RBFOX1: variants seen among roughly 807,000 people sequenced by gnomAD.
RBFOX1 encodes RNA binding fox-1 homolog 1.
A neutral mutation model predicts 57.7 loss-of-function variants in RBFOX1; 8 were observed. The ratio of observed to expected loss-of-function variants is 0.14; its 90% CI spans 0.08 to 0.25. The LOEUF (loss-of-function observed/expected upper bound fraction) is 0.25, where lower values mean the gene tolerates loss of function less well. Ranked by LOEUF, RBFOX1 falls within the 10% of genes least tolerant of loss-of-function variation. The pLI, the probability that RBFOX1 is intolerant of heterozygous loss-of-function variation, is 1.00. For missense variants in RBFOX1, 611 were observed against 548.5 expected, an observed-to-expected ratio of 1.11 and a Z score of -1.14; for synonymous variants, 326 against 222.4, an observed-to-expected ratio of 1.47 and a Z score of -4.15.
At chr16:7,664,311 G>C (rs1175267999) in intron 12 of RBFOX1, among the ~76,000 whole-genome samples, 2 of 152,114 alleles carry the variant, frequency 1.3e-5, no homozygotes, top group African/African-American at 4.8e-5. Flanking sequence ...TCTTGCACAT[G>C]TACCCATGCT....
chr16:6,630,993 C>T (rs2098378450), intron 2 of RBFOX1, among the ~76,000 whole-genome samples: 1 of 152,088 alleles, frequency 6.6e-6, no homozygotes, highest in Non-Finnish European at 1.5e-5. Context: ...GGAGGCTATA[C>T]TTGGACCTAA....
chr16:6,637,352 A>ATGT (rs2098450712), intron 2 of RBFOX1, among the ~76,000 whole-genome samples: 1 of 85,014 alleles, frequency 1.2e-5, no homozygotes. Context: ...TATATATTAT[A>ATGT]TATTAAATAT....
intron 6 of RBFOX1, among the ~76,000 whole-genome samples, chr16:7,585,198 G>A (rs1420861274): frequency 6.6e-6 from 1 of 152,130 alleles, no homozygotes; most frequent in Non-Finnish European, 1.5e-5. Flanking sequence ...TACTGCTTGA[G>A]GAGTTCACAA....
At chr16:6,917,827 C>T (rs1054896112) in intron 3 of RBFOX1, among the ~76,000 whole-genome samples, 4 of 152,128 alleles carry the variant, frequency 2.6e-5, no homozygotes, top group East Asian at 1.9e-4. Context: ...GAACAGGGCC[C>T]TGGGGGAGAC....
intron 2 of RBFOX1, among the ~76,000 whole-genome samples, chr16:6,485,669 C>A (rs555713581): frequency 6.6e-6 from 1 of 152,178 alleles, no homozygotes; most frequent in African/African-American, 2.4e-5. Context: ...AACCAAGCAA[C>A]TAGACTCTTT....
chr16:6,769,717 C>T (rs1001488079), intron 3 of RBFOX1, among the ~76,000 whole-genome samples: 5 of 152,156 alleles, frequency 3.3e-5, no homozygotes, highest in Admixed American at 6.5e-5. Flanking sequence ...GCTTCTGTGG[C>T]TTGATCTTGG....
chr16:6,446,720 T>A (rs553643921), intron 2 of RBFOX1, among the ~76,000 whole-genome samples: 1 of 152,314 alleles, frequency 6.6e-6, no homozygotes, highest in South Asian at 2.1e-4. Flanking sequence ...ATAGAGTTAG[T>A]TATATTTACT....
Position 6,203,191 on chromosome 16 carries a change from G to C in RBFOX1, c.-126-113804G>C, listed in dbSNP as rs568487111. On this transcript the variant is annotated intron_variant, in intron 1 of 15. Coordinates refer to ENST00000550418, the MANE Select transcript of RBFOX1 (RefSeq NM_018723.4). Reference sequence around the variant, plus strand: ...ACCATAGGCCTTACATTATACAGGAGTTCTCCAGAGCTTATTGCATTACTG... The same window carrying C: ...ACCATAGGCCTTACATTATACAGGACTTCTCCAGAGCTTATTGCATTACTG... Among the ~76,000 whole-genome samples, 5 of 152,170 alleles carry C rather than the reference G, an allele frequency of 3.3e-5. No homozygotes were observed. The East Asian group carries it at 9.7e-4, about 29-fold the overall frequency.
At chr16:6,772,126 T>G (rs1271410506) in intron 3 of RBFOX1, among the ~76,000 whole-genome samples, 1 of 152,046 alleles carries the variant, frequency 6.6e-6, no homozygotes, top group Non-Finnish European at 1.5e-5. Flanking sequence ...TGCTGTTAAC[T>G]TCCCCCAAGT....
chr16:6,817,532 TAAAAAAAAAAA>T lies in RBFOX1; in HGVS notation c.-16+162895_-16+162905del, dbSNP rs71145302. Among the ~76,000 whole-genome samples, 832 of 127,584 alleles carry T rather than the reference TAAAAAAAAAAA, an allele frequency of 6.5e-3. 14 individuals are homozygous for T. Among genetic ancestry groups the T allele is most frequent in the African/African-American group, 0.024 (801 of 33,304 alleles). The allele number at this position is 127,584 out of a possible 152,430, so 83.7% of individuals were successfully genotyped here. A position where few individuals can be genotyped will look rare whatever the true frequency, so the allele number is the denominator to read the frequency against. On this transcript the variant is annotated intron_variant, in intron 3 of 15. Transcript: ENST00000550418. ...AGCATGGTGAAACCCTTTCTTTGCTTAAAAAAAAAAAAAAAAAAAAAAATTTAACTGGATTT... is the reference window on the plus strand; with the variant it reads ...AGCATGGTGAAACCCTTTCTTTGCTTAAAAAAAAAAAATTTAACTGGATTT...
chr16:7,519,380 T>C (rs1458425679), intron 5 of RBFOX1, among the ~76,000 whole-genome samples: 4 of 152,190 alleles, frequency 2.6e-5, no homozygotes, highest in Non-Finnish European at 5.9e-5. Context: ...AAGGGAACTG[T>C]CCTGTATCTT....
At chr16:5,400,573 A>G (rs2066687679) in intron 1 of RBFOX1, among the ~76,000 whole-genome samples, 1 of 152,192 alleles carries the variant, frequency 6.6e-6, no homozygotes, top group African/African-American at 2.4e-5. Context: ...TTCTCATTAA[A>G]AAGTCTCTGA....
intron 3 of RBFOX1, among the ~76,000 whole-genome samples, chr16:5,662,204 G>A (rs1347227096): frequency 1.3e-5 from 2 of 152,120 alleles, no homozygotes; most frequent in Non-Finnish European, 2.9e-5. Flanking sequence ...TGGTCTGTTT[G>A]ACTATTTATA....
At chr16:7,577,125 C>G (rs980699176) in intron 5 of RBFOX1, among the ~76,000 whole-genome samples, 4 of 152,216 alleles carry the variant, frequency 2.6e-5, no homozygotes, top group Admixed American at 6.5e-5. Flanking sequence ...CTTCTTCATG[C>G]ATTTGTTTAT....
intron 4 of RBFOX1, among the ~76,000 whole-genome samples, chr16:5,953,073 G>T (rs1239368830): frequency 7.3e-6 from 1 of 136,648 alleles, no homozygotes; most frequent in African/African-American, 2.7e-5. Flanking sequence ...AAGTACCACT[G>T]ATTTAGCTCT....
chr16:6,434,609 T>C (rs946122338), intron 2 of RBFOX1, among the ~76,000 whole-genome samples: 2 of 152,212 alleles, frequency 1.3e-5, no homozygotes, highest in African/African-American at 4.8e-5. Flanking sequence ...TTTTGAATCA[T>C]GGTTCTGTCA....
At chr16:5,882,426 T>A (rs1049640531) in intron 4 of RBFOX1, among the ~76,000 whole-genome samples, 1 of 152,168 alleles carries the variant, frequency 6.6e-6, no homozygotes, top group African/African-American at 2.4e-5. Context: ...CCCCCTCCCA[T>A]TGGCCAGAAC....
intron 4 of RBFOX1, among the ~76,000 whole-genome samples, chr16:7,309,398 C>A (rs992001256): frequency 1.2e-4 from 18 of 152,202 alleles, no homozygotes; most frequent in African/African-American, 4.3e-4. Context: ...ACAATCACTT[C>A]TGAAAATTGT....
chr16:5,768,204 G>A, intron 3 of RBFOX1, among the ~76,000 whole-genome samples: 1 of 152,134 alleles, frequency 6.6e-6, no homozygotes, highest in Non-Finnish European at 1.5e-5. Context: ...CCTAGTTTTT[G>A]GAGCATGAGA....
Sources: allele counts gnomAD v4.1 joint callset (sites outside exome capture counted in the v4.1 genomes callset), GRCh38; gene constraint gnomAD v4.1.1; transcripts MANE v1.5; gene names NCBI Gene and HGNC (gene_info 2026-07-23, HGNC 2026-07-21).